The following FOXP2 variants were observed in gnomAD, a reference collection of about 807,000 sequenced individuals.
FOXP2 encodes the protein forkhead box P2, also known as forkhead box protein P2.
In FOXP2, 12 loss-of-function variants were observed where a neutral mutation model predicts 115.8. The observed-to-expected ratio is 0.10, with a 90% CI of 0.07 to 0.17. The LOEUF is 0.17. Ranked by LOEUF, FOXP2 falls within the 10% of genes least tolerant of loss-of-function variation. The pLI is 1.00. For synonymous variants in FOXP2, 328 were observed against 297.7 expected, an observed-to-expected ratio of 1.10 and a Z score of -1.05; for missense variants, 629 against 843.5, an observed-to-expected ratio of 0.75 and a Z score of 3.15.
At position 114,254,910 on chromosome 7, in the gene FOXP2, C is replaced by T. The variant is rs557094624; in HGVS notation, c.-101-33109C>T. ...TCAGCTTTTCTGCTCTGTTTTTCCC[C>T]GTCTTTGTGGTTTTATCTACCTTTG... On this transcript the variant is annotated intron_variant, in intron 1 of 17. Coordinates refer to the FOXP2 transcript ENST00000634411. Among the ~76,000 whole-genome samples the T allele has an allele frequency of 9.2e-4, 140 of 152,262 alleles. No individual in the cohort carries two copies. The Middle Eastern group carries it at 0.024, about 26-fold the overall frequency.
chr7:114,640,734 G>T (rs1157146904), intron 6 of FOXP2, among the ~76,000 whole-genome samples: 1 of 152,096 alleles, frequency 6.6e-6, no homozygotes, highest in Non-Finnish European at 1.5e-5. Context: ...ATGTATGTTC[G>T]GTTGGGAGAG....
chr7:114,505,107 C>G (rs1365904361), intron 2 of FOXP2, among the ~76,000 whole-genome samples: 1 of 151,396 alleles, frequency 6.6e-6, no homozygotes, highest in Admixed American at 6.6e-5. Flanking sequence ...CCTTTGTTGT[C>G]TCTGTTTCTT....
intron 2 of FOXP2, among the ~76,000 whole-genome samples, chr7:114,408,462 C>G (rs1189253424): frequency 6.6e-6 from 1 of 152,140 alleles, no homozygotes; most frequent in African/African-American, 2.4e-5. Context: ...CGCAGTGGCT[C>G]ACACCTGTAA....
intron 2 of FOXP2, among the ~76,000 whole-genome samples, chr7:114,377,658 G>T (rs1280357908): frequency 1.3e-5 from 2 of 152,200 alleles, no homozygotes; most frequent in African/African-American, 2.4e-5. Context: ...TCTGGCGAAG[G>T]ATGGGACAGT....
chr7:114,514,068 T>C (rs896138157), intron 2 of FOXP2, among the ~76,000 whole-genome samples: 4 of 143,226 alleles, frequency 2.8e-5, no homozygotes, highest in African/African-American at 1.1e-4. Flanking sequence ...TTAAAATTGA[T>C]CTTAACATTG....
intron 1 of FOXP2, among the ~76,000 whole-genome samples, chr7:114,225,073 T>G (rs965518304): frequency 1.3e-5 from 2 of 152,134 alleles, no homozygotes; most frequent in Non-Finnish European, 2.9e-5. Context: ...TAATATATAA[T>G]CTATTATTTT....
chr7:114,350,711 T>C (rs934619579), intron 2 of FOXP2, among the ~76,000 whole-genome samples: 3 of 152,176 alleles, frequency 2.0e-5, no homozygotes, highest in Non-Finnish European at 4.4e-5. Flanking sequence ...CTTCTTGTAT[T>C]GATAGATACA....
chr7:114,176,298 T>TTCTTTCTTTCTTTCTCTCTCTCTCTCTC (rs368923204), intron 1 of FOXP2, among the ~76,000 whole-genome samples: 15 of 76,574 alleles, frequency 2.0e-4, no homozygotes, highest in African/African-American at 7.6e-4. Context: ...CTTTCTTTCT[T>TTCTTTCTTTCTTTCTCTCTCTCTCTCTC]TCTCTCTCTC....
intron 2 of FOXP2, among the ~76,000 whole-genome samples, chr7:114,397,158 C>T (rs747692309): frequency 4.0e-5 from 6 of 151,722 alleles, no homozygotes; most frequent in African/African-American, 7.3e-5. Flanking sequence ...GAAGAGATTT[C>T]GGGTGGAGAT....
At chr7:114,163,249 TACTA>T (rs1792888120) in intron 1 of FOXP2, among the ~76,000 whole-genome samples, 1 of 152,152 alleles carries the variant, frequency 6.6e-6, no homozygotes, top group African/African-American at 2.4e-5. Context: ...TGACAATACT[TACTA>T]ACATAATATA....
intron 1 of FOXP2, among the ~76,000 whole-genome samples, chr7:114,219,111 C>T (rs1425656352): frequency 1.3e-5 from 2 of 152,050 alleles, no homozygotes. Flanking sequence ...TTAAAAGCTA[C>T]TAGTTTTCGA....
chr7:114,583,481 GT>G (rs1206588482), intron 3 of FOXP2, among the ~76,000 whole-genome samples: 3 of 151,406 alleles, frequency 2.0e-5, no homozygotes, highest in African/African-American at 2.4e-5. Flanking sequence ...CTCCACCCAA[GT>G]TTTTTTTTGT....
Position 114,562,247 on chromosome 7 carries a change from G to A in FOXP2, c.258+27541G>A, listed in dbSNP as rs1330350060. Among the ~76,000 whole-genome samples the A allele has an allele frequency of 3.3e-5, 5 of 152,208 alleles. No individual in the cohort carries two copies. The East Asian group carries it at 7.7e-4, about 24-fold the overall frequency. ...AAGCAAGCTACTGAGTATTCCTATA[G>A]AGAATCACAATATCAGGCAGTATTG... is the stretch of plus-strand genomic sequence containing the variant. On this transcript the variant is annotated intron_variant, in intron 3 of 16. Transcript: ENST00000350908.
intron 2 of FOXP2, among the ~76,000 whole-genome samples, chr7:114,368,876 C>A (rs968288091): frequency 6.6e-6 from 1 of 152,204 alleles, no homozygotes; most frequent in African/African-American, 2.4e-5. Context: ...GTGTTACAAA[C>A]CATCCAAAAA....
chr7:114,423,781 A>G (rs933303257), intron 1 of FOXP2, among the ~76,000 whole-genome samples: 1 of 151,636 alleles, frequency 6.6e-6, no homozygotes, highest in Non-Finnish European at 1.5e-5. Flanking sequence ...TGGAAGTGTT[A>G]CCAAGAGAAA....
intron 2 of FOXP2, among the ~76,000 whole-genome samples, chr7:114,492,347 C>G (rs1041809436): frequency 5.9e-5 from 9 of 152,108 alleles, no homozygotes; most frequent in Admixed American, 2.6e-4. Flanking sequence ...TTTTGTTGAT[C>G]TTTTCAAAAA....
intron 1 of FOXP2, among the ~76,000 whole-genome samples, chr7:114,255,626 G>A (rs1795590202): frequency 2.0e-5 from 3 of 152,208 alleles, no homozygotes; most frequent in Admixed American, 1.3e-4. Flanking sequence ...TGTGGCGTTT[G>A]TTAAGACCAT....
At chr7:114,279,118 AT>A (rs1562850879) in intron 1 of FOXP2, among the ~76,000 whole-genome samples, 1 of 152,186 alleles carries the variant, frequency 6.6e-6, no homozygotes, top group African/African-American at 2.4e-5. Context: ...ATAAATTTAA[AT>A]TGCTTTAATA....
At chr7:114,377,653 C>T (rs752825013) in intron 2 of FOXP2, among the ~76,000 whole-genome samples, 2 of 152,128 alleles carry the variant, frequency 1.3e-5, no homozygotes, top group Non-Finnish European at 1.5e-5. Flanking sequence ...AGGTTTCTGG[C>T]GAAGGATGGG....
Sources: gnomAD v4.1 joint callset for allele counts (sites outside exome capture counted in the v4.1 genomes callset) on GRCh38, gnomAD v4.1.1 for gene constraint, MANE v1.5 for transcripts, NCBI Gene and HGNC (gene_info 2026-07-23, HGNC 2026-07-21) for gene names.